The following C8orf34 variants were observed in gnomAD, a reference collection of about 807,000 sequenced individuals.
C8orf34 encodes the protein chromosome 8 open reading frame 34.
A neutral mutation model predicts 68.3 loss-of-function variants in C8orf34; 65 were observed. The observed-to-expected ratio is 0.95, with a 90% CI of 0.78 to 1.17. The LOEUF (loss-of-function observed/expected upper bound fraction) is 1.17, where lower values mean the gene tolerates loss of function less well. C8orf34 is among the 50% of genes most tolerant of loss of function. The pLI is 0.00. For missense variants in C8orf34, 664 were observed against 655.4 expected (o/e 1.01, Z -0.14); for synonymous variants, 244 against 241.2 (o/e 1.01, Z -0.11).
At chr8:68,793,934 A>G (rs540082306) in intron 12 of C8orf34, among the ~76,000 whole-genome samples, 60 of 152,314 alleles carry the variant, frequency 3.9e-4, no homozygotes, top group Admixed American at 9.8e-4. Context: ...TGGTATAAAT[A>G]AGTCTAAATA....
chr8:68,388,287 G>A (rs553956916), intron 1 of C8orf34, among the ~76,000 whole-genome samples: 27 of 152,194 alleles, frequency 1.8e-4, no homozygotes, highest in African/African-American at 5.3e-4. Context: ...TCCTTAAGCT[G>A]TTTAGTCTCT....
At position 68,614,688 on chromosome 8, in the gene C8orf34, G is replaced by A. The variant is rs183324930; in HGVS notation, c.1106-25688G>A. Among the ~76,000 whole-genome samples the A allele has an allele frequency of 8.3e-3, 1,257 of 152,246 alleles. 9 individuals are homozygous for A. The highest frequency in any genetic ancestry group is 0.014 in the Middle Eastern group (4 of 294). On this transcript the variant is annotated intron_variant, in intron 7 of 13. Coordinates refer to ENST00000518698, the MANE Select transcript of C8orf34 (RefSeq NM_052958.4). ...CCAGTACCATGCTGTTTTGGTTACT[G>A]TAGCCTTGTAGTATAGTTTGAAGTC...
chr8:68,638,680 C>T (rs919984270), intron 7 of C8orf34, among the ~76,000 whole-genome samples: 1 of 151,738 alleles, frequency 6.6e-6, no homozygotes, highest in Non-Finnish European at 1.5e-5. Flanking sequence ...ACTCTGAGGT[C>T]GTTGTCCAGT....
chr8:68,694,482 T>C (rs1820771978), intron 8 of C8orf34, among the ~76,000 whole-genome samples: 1 of 152,084 alleles, frequency 6.6e-6, no homozygotes, highest in Non-Finnish European at 1.5e-5. Flanking sequence ...GTAAAAAAAA[T>C]ACAATTTTTG....
chr8:68,487,254 G>T (rs1359255679), intron 4 of C8orf34, among the ~76,000 whole-genome samples: 1 of 152,166 alleles, frequency 6.6e-6, no homozygotes, highest in Non-Finnish European at 1.5e-5. Flanking sequence ...TTCAGGAAAG[G>T]ACCCCTATCC....
intron 7 of C8orf34, among the ~76,000 whole-genome samples, chr8:68,578,640 T>C (rs1422663684): frequency 7.0e-6 from 1 of 142,228 alleles, no homozygotes; most frequent in Non-Finnish European, 1.5e-5. Flanking sequence ...GCAGATTAAA[T>C]ACTATATATA....
chr8:68,419,176 C>G (rs1484799664), intron 1 of C8orf34, among the ~76,000 whole-genome samples: 2 of 152,006 alleles, frequency 1.3e-5, no homozygotes, highest in Non-Finnish European at 2.9e-5. Flanking sequence ...AGGACATGAA[C>G]AGACACTTCT....
intron 7 of C8orf34, among the ~76,000 whole-genome samples, chr8:68,632,624 C>T (rs913646523): frequency 3.9e-5 from 6 of 152,252 alleles, no homozygotes; most frequent in East Asian, 1.9e-4. Context: ...CCCCTCCCAT[C>T]GCAAGCCTGG....
chr8:68,673,655 A>C (rs953505991), intron 8 of C8orf34, among the ~76,000 whole-genome samples: 1 of 152,156 alleles, frequency 6.6e-6, no homozygotes, highest in African/African-American at 2.4e-5. Context: ...ATTCAACCCT[A>C]GGCTCTGGCT....
At chr8:68,527,388 C>T (rs910541835) in intron 6 of C8orf34, among the ~76,000 whole-genome samples, 6 of 152,110 alleles carry the variant, frequency 3.9e-5, no homozygotes, top group South Asian at 2.1e-4. Flanking sequence ...CTGGCTAACA[C>T]GGTGAAACCC....
intron 1 of C8orf34, among the ~76,000 whole-genome samples, chr8:68,397,327 C>T (rs563859249): frequency 7.9e-5 from 12 of 152,164 alleles, no homozygotes; most frequent in African/African-American, 2.9e-4. Flanking sequence ...CTCCTAGTCT[C>T]CAAAATATTT....
intron 8 of C8orf34, among the ~76,000 whole-genome samples, chr8:68,670,901 A>G (rs1332346101): frequency 6.6e-6 from 1 of 152,208 alleles, no homozygotes; most frequent in Non-Finnish European, 1.5e-5. Flanking sequence ...ATTATTATAA[A>G]TTGTGTGATT....
chr8:68,369,953 C>T (rs922753779), intron 1 of C8orf34, among the ~76,000 whole-genome samples: 5 of 152,146 alleles, frequency 3.3e-5, no homozygotes, highest in African/African-American at 1.2e-4. Flanking sequence ...CGCAGGGAAG[C>T]TTTATGGGTT....
intron 1 of C8orf34, among the ~76,000 whole-genome samples, chr8:68,386,104 G>A (rs1265123005): frequency 6.6e-6 from 1 of 152,058 alleles, no homozygotes; most frequent in African/African-American, 2.4e-5. Context: ...ATGAGGTCTT[G>A]TTGTGTTGCC....
chr8:68,506,993 C>T (rs181088610), intron 5 of C8orf34, among the ~76,000 whole-genome samples: 25 of 152,172 alleles, frequency 1.6e-4, no homozygotes, highest in Non-Finnish European at 3.4e-4. Flanking sequence ...GGCCTAATTG[C>T]TTATTTCTGT....
chr8:68,564,388 G>C (rs778860118), intron 7 of C8orf34, among the ~76,000 whole-genome samples: 3 of 152,180 alleles, frequency 2.0e-5, no homozygotes, highest in Non-Finnish European at 2.9e-5. Context: ...GGCCAACTTG[G>C]ATACTTAGTC....
At chr8:68,590,869 G>T (rs1386431811) in intron 7 of C8orf34, among the ~76,000 whole-genome samples, 1 of 152,142 alleles carries the variant, frequency 6.6e-6, no homozygotes, top group Non-Finnish European at 1.5e-5. Flanking sequence ...GACCAGCTGA[G>T]ACCACACATG....
chr8:68,772,413 G>A lies in C8orf34; in HGVS notation c.1405-3986G>A, dbSNP rs115272645. 3.8e-3 allele frequency among the ~76,000 whole-genome samples: 578 copies of A among 152,266 alleles called. 2 individuals are homozygous for A. Among genetic ancestry groups the A allele is most frequent in the African/African-American group, 0.012 (514 of 41,548 alleles). On this transcript the variant is annotated intron_variant, in intron 10 of 13. Transcript: ENST00000518698. The stretch of plus-strand genomic sequence containing the variant: ...GTTCTAGTCCTACCTCACTCTCTAC[G>A]ATTTTCCATCTCACTGAGAATGTTT...
At chr8:68,818,058 A>G (rs1023881603) in intron 13 of C8orf34, among the ~76,000 whole-genome samples, 181 bp from the exon 14 acceptor site, 6 of 152,332 alleles carry the variant, frequency 3.9e-5, no homozygotes, top group Middle Eastern at 3.4e-3. Context: ...TTACACAGAT[A>G]TCAGAAATTG....
Sources: gnomAD v4.1 joint callset for allele counts (sites outside exome capture counted in the v4.1 genomes callset) on GRCh38, gnomAD v4.1.1 for gene constraint, MANE v1.5 for transcripts, NCBI Gene and HGNC (gene_info 2026-07-23, HGNC 2026-07-21) for gene names.